RAPH1: variants seen among roughly 807,000 people sequenced by gnomAD.
RAPH1 encodes ras-associated and pleckstrin homology domains-containing protein 1.
In RAPH1, 18 loss-of-function variants were observed where a neutral mutation model predicts 88.1. The observed-to-expected ratio is 0.20, with a 90% CI of 0.14 to 0.30. The LOEUF is 0.30. Ranked by LOEUF, RAPH1 falls within the 10% of genes least tolerant of loss-of-function variation. The pLI, the probability that RAPH1 is intolerant of heterozygous loss-of-function variation, is 1.00. For missense variants in RAPH1, 1,448 were observed against 1,543.2 expected (o/e 0.94, Z 1.03); for synonymous variants, 587 against 559.0 (o/e 1.05, Z -0.71).
rs779088330 is a variant in RAPH1 at position 203,457,540 on chromosome 2, A to C, written c.1148T>G (p.Val383Gly). 1 of 1,612,198 alleles carries C rather than the reference A, an allele frequency of 6.2e-7. No individual in the cohort carries two copies. Residue 383 changes from valine (V) to glycine (G), a missense_variant, in exon 8 of 14, where the codon GTC becomes GGC. Transcript: ENST00000319170. ...TGGGGGTTGTCATACCTCCAAGAGG[A>C]CTTCTTTGTTTCTATCTGCCATCTC... Reference protein sequence around the residue: ...TAEMADRNKEVLLEECFCGSS... With the variant: ...TAEMADRNKEGLLEECFCGSS...
rs772594640 is a variant in RAPH1, at chr2:203,439,517, C to T, written c.3673G>A (p.Gly1225Ser). 1.2e-6 allele frequency: 2 copies of T among 1,614,098 alleles called. No homozygotes were observed. The highest frequency in any genetic ancestry group is 2.2e-5 in the East Asian group (1 of 44,886). Residue 1225 changes from glycine to serine, a missense_variant, in exon 14 of 14, where the codon GGC (glycine) becomes AGC (serine). Gly to Ser is a moderately conservative substitution (Grantham distance 56). Around this residue, in one of 2 missense-constraint regions of RAPH1, gnomAD observed 935 missense variants for 890.1 expected, o/e 1.05. Transcript: ENST00000319170. ...KAGYGGSHIS[G>S]YATLRRGPPP... ...GGTCCTCTCCGCAACGTTGCATAGC[C>T]TGATATATGACTGCCTCCGTAACCA... is the stretch of plus-strand genomic sequence containing the variant.
rs1430248813 is a variant in RAPH1, at chr2:203,437,555, T to A, written c.*1882A>T. ...TCAAACACAAAACTTGGTGAACAAT[T>A]TGAAAGACCTAAAAATTAATGGTAT... On this transcript the variant is annotated 3_prime_UTR_variant, in exon 14 of 14. Coordinates refer to ENST00000319170, the MANE Select transcript of RAPH1 (RefSeq NM_213589.3). 2 of 152,232 alleles carry A rather than the reference T, an allele frequency of 1.3e-5. No homozygotes were observed. Among genetic ancestry groups the A allele is most frequent in the Non-Finnish European group, 2.9e-5 (2 of 68,048 alleles). The allele number at this position is 152,232 out of a possible 1,614,324, so 9.4% of individuals were successfully genotyped here. A position where few individuals can be genotyped will look rare whatever the true frequency, so the allele number is the denominator to read the frequency against.
intron 1 of RAPH1, among the ~76,000 whole-genome samples, chr2:203,511,339 C>T (rs1689333712): frequency 6.6e-6 from 1 of 150,630 alleles, no homozygotes; most frequent in Non-Finnish European, 1.5e-5. Flanking sequence ...GAAACCAACA[C>T]ATTCCAAAAT....
chr2:203,478,056 G>A (rs1453491819), intron 4 of RAPH1, among the ~76,000 whole-genome samples: 5 of 147,146 alleles, frequency 3.4e-5, no homozygotes, highest in African/African-American at 7.5e-5. Flanking sequence ...TTTTTGAGAC[G>A]GAGTCTTGCT....
At chr2:203,476,667 A>G (rs1687469035) in intron 4 of RAPH1, among the ~76,000 whole-genome samples, 1 of 152,236 alleles carries the variant, frequency 6.6e-6, no homozygotes, top group Non-Finnish European at 1.5e-5. Context: ...GGCAAAAAAA[A>G]TGACCAAAGA....
chr2:203,465,775 GC>G (rs2153644357), intron 4 of RAPH1, among the ~76,000 whole-genome samples: 2 of 152,272 alleles, frequency 1.3e-5, no homozygotes, highest in Non-Finnish European at 2.9e-5. Flanking sequence ...TACTCAGGAG[GC>G]TGAGAAAGGG....
Position 203,440,888 on chromosome 2 carries a change from G to C in RAPH1, c.2302C>G (p.Pro768Ala). ...TGGGGAGGGAGGGGTGCAGGGATAG[G>C]AGGAGGTGGGGGGGGTGTTGGGGGA... is the stretch of plus-strand genomic sequence containing the variant. The part of the protein sequence containing the change: ...VAPPTPPPPP[P>A]IPAPLPPQAP... Residue 768 changes from proline to alanine, a missense_variant, in exon 14 of 14, where the codon CCT becomes GCT. By Grantham distance (27) the Pro-to-Ala change is conservative (BLOSUM62 -1). This residue lies in a region of RAPH1 where 935 missense variants were observed against 890.1 expected (regional missense o/e 1.05). Transcript: ENST00000319170. 1 of 1,339,460 alleles carries C rather than the reference G, an allele frequency of 7.5e-7. No individual in the cohort carries two copies. Among genetic ancestry groups the C allele is most frequent in the Non-Finnish European group, 1.0e-6 (1 of 983,014 alleles). 83.0% of individuals were successfully genotyped at this position (1,339,460 alleles called of 1,614,324 possible).
At chr2:203,508,939 C>T (rs1045198766) in intron 1 of RAPH1, among the ~76,000 whole-genome samples, 4 of 151,948 alleles carry the variant, frequency 2.6e-5, no homozygotes, top group Non-Finnish European at 5.9e-5. Context: ...GCTCCCTTTC[C>T]TAAAGTATAT....
At position 203,435,243 on chromosome 2, in the gene RAPH1, A is replaced by C. The variant is rs1266146326; in HGVS notation, c.*4194T>G. The C allele has an allele frequency of 6.6e-6, 1 of 152,088 alleles. No homozygotes were observed. The highest frequency in any genetic ancestry group is 6.6e-5 in the Admixed American group (1 of 15,258). The allele number at this position is 152,088 out of a possible 1,614,324, so 9.4% of individuals were successfully genotyped here. A position where few individuals can be genotyped will look rare whatever the true frequency, so the allele number is the denominator to read the frequency against. ...AGAAATTTTCTCTTTGAATTTTATA[A>C]GGAAAGGCTGGGTACAGTGGCTCAT... On this transcript the variant is annotated 3_prime_UTR_variant, in exon 14 of 14. Coordinates refer to ENST00000319170, the MANE Select transcript of RAPH1 (RefSeq NM_213589.3).
At chr2:203,501,843 AC>A (rs1688752554) in intron 1 of RAPH1, among the ~76,000 whole-genome samples, 1 of 151,160 alleles carries the variant, frequency 6.6e-6, no homozygotes, top group Non-Finnish European at 1.5e-5. Flanking sequence ...AGGCAAAAAA[AC>A]AAATACAAAT....
intron 1 of RAPH1, among the ~76,000 whole-genome samples, chr2:203,527,892 G>A (rs1367143483): frequency 1.3e-5 from 2 of 151,890 alleles, no homozygotes; most frequent in Admixed American, 6.6e-5. Context: ...CAAAGGTGGA[G>A]GAGAGGGTAA....
chr2:203,466,770 C>T (rs2098528822), intron 4 of RAPH1, among the ~76,000 whole-genome samples: 1 of 152,214 alleles, frequency 6.6e-6, no homozygotes, highest in African/African-American at 2.4e-5. Flanking sequence ...TCCTATGTGG[C>T]TATCAATAAC....
At chr2:203,463,327 C>T (rs1283645418) in intron 4 of RAPH1, among the ~76,000 whole-genome samples, 2 of 152,064 alleles carry the variant, frequency 1.3e-5, no homozygotes, top group African/African-American at 2.4e-5. Flanking sequence ...AACCACAATC[C>T]ATATGTTATT....
chr2:203,446,549 A>G (rs1414780321), intron 12 of RAPH1: 2 of 152,196 alleles, frequency 1.3e-5, no homozygotes, highest in African/African-American at 4.8e-5. Context: ...TCATTTAGAA[A>G]TCTACACAGG....
chr2:203,521,271 C>G (rs943706133), intron 1 of RAPH1, among the ~76,000 whole-genome samples: 2 of 152,144 alleles, frequency 1.3e-5, no homozygotes, highest in African/African-American at 4.8e-5. Flanking sequence ...CCAGGCTGGT[C>G]TCGAACTCCT....
intron 10 of RAPH1, among the ~76,000 whole-genome samples, chr2:203,454,109 A>G (rs981634175): frequency 6.6e-6 from 1 of 152,206 alleles, no homozygotes; most frequent in African/African-American, 2.4e-5. Context: ...TTTATGACCT[A>G]CATTCGGCTC....
intron 1 of RAPH1, among the ~76,000 whole-genome samples, chr2:203,512,014 G>C (rs559950944): frequency 6.6e-6 from 1 of 152,172 alleles, no homozygotes; most frequent in African/African-American, 2.4e-5. Context: ...TCGGGAGGCT[G>C]AGGCAGGAGA....
At chr2:203,494,333 T>A (rs1269345620) in intron 2 of RAPH1, among the ~76,000 whole-genome samples, 1 of 152,204 alleles carries the variant, frequency 6.6e-6, no homozygotes, top group African/African-American at 2.4e-5. Flanking sequence ...GTGAATATAA[T>A]GTATTACTGG....
chr2:203,463,179 G>A (rs2098525523), intron 4 of RAPH1, among the ~76,000 whole-genome samples: 1 of 150,422 alleles, frequency 6.6e-6, no homozygotes, highest in Admixed American at 6.6e-5. Context: ...TCCAGCCTGG[G>A]CAACAGAGCG....
Sources: allele counts gnomAD v4.1 joint callset (sites outside exome capture counted in the v4.1 genomes callset), GRCh38; gene constraint gnomAD v4.1.1; regional missense constraint gnomAD v4.1.1; transcripts MANE v1.5; gene names NCBI Gene and HGNC (gene_info 2026-07-23, HGNC 2026-07-21).